TNS1: variants seen among roughly 807,000 people sequenced by gnomAD.
TNS1 encodes tensin-1.
A neutral mutation model predicts 168.6 loss-of-function variants in TNS1; 62 were observed. The observed-to-expected ratio is 0.37, with a 90% CI of 0.30 to 0.45. TNS1 has a LOEUF of 0.45. TNS1 is among the 20% of genes least tolerant of loss of function. The probability of loss-of-function intolerance (pLI) is 1.00; values close to 1 mark genes in which losing one functional copy is unlikely to be tolerated. For missense variants in TNS1, 2,240 were observed against 2,339.4 expected (o/e 0.96, Z 0.88); for synonymous variants, 934 against 933.2 (o/e 1.00, Z -0.02).
chr2:217,889,856 C>T (rs1951569394), intron 12 of TNS1, among the ~76,000 whole-genome samples: 1 of 152,246 alleles, frequency 6.6e-6, no homozygotes, highest in Non-Finnish European at 1.5e-5. Flanking sequence ...CCATCCAGGT[C>T]TCCAGTTTGG....
intron 24 of TNS1, among the ~76,000 whole-genome samples, chr2:217,817,038 G>A (rs954186335): frequency 3.3e-5 from 5 of 152,188 alleles, no homozygotes; most frequent in Non-Finnish European, 7.4e-5. Context: ...CATGAGTTTC[G>A]ATGAAGTTGG....
At chr2:217,874,490 C>T (rs1425573350) in intron 18 of TNS1, among the ~76,000 whole-genome samples, 2 of 152,198 alleles carry the variant, frequency 1.3e-5, no homozygotes, top group African/African-American at 4.8e-5. Context: ...GATAATGAAA[C>T]TGAGAACCAG....
At chr2:217,952,721 T>C (rs550868092) in intron 3 of TNS1, among the ~76,000 whole-genome samples, 2 of 152,230 alleles carry the variant, frequency 1.3e-5, no homozygotes, top group South Asian at 4.1e-4. Context: ...ACAACATGAA[T>C]GGGGCTGATG....
intron 18 of TNS1, among the ~76,000 whole-genome samples, chr2:217,857,018 A>G (rs570321778): frequency 6.6e-6 from 1 of 152,262 alleles, no homozygotes; most frequent in Admixed American, 6.5e-5. Flanking sequence ...GAGTCCAAGA[A>G]AAAAAGAGGG....
At chr2:218,011,575 C>A (rs1418761219), upstream of TNS1, among the ~76,000 whole-genome samples, 1 of 152,130 alleles carries the variant, frequency 6.6e-6, no homozygotes, top group African/African-American at 2.4e-5. Flanking sequence ...CCAGATGATG[C>A]TGCCTCCCTG....
rs569875596 is a variant in TNS1 at position 217,828,010 on chromosome 2, G to A, written c.3373+3445C>T. 4.6e-5 allele frequency among the ~76,000 whole-genome samples: 7 copies of A among 152,342 alleles called. No homozygotes were observed. In the East Asian group the frequency reaches 1.4e-3, roughly 29 times the overall value. ...CAACCAGCTGCGAGGAGAGCTGAGA[G>A]CCTATTGCGTGGTCCGGCATCTGAA... On this transcript the variant is annotated intron_variant, in intron 22 of 32. Transcript: ENST00000682258.
At chr2:217,955,750 A>G (rs1358661618) in intron 3 of TNS1, among the ~76,000 whole-genome samples, 1 of 152,208 alleles carries the variant, frequency 6.6e-6, no homozygotes, top group African/African-American at 2.4e-5. Flanking sequence ...AGGTCTTTCA[A>G]GTCCTAAGCC....
chr2:217,849,787 G>A (rs779917250), intron 18 of TNS1: 94 of 985,416 alleles, frequency 9.5e-5, no homozygotes, highest in East Asian at 2.3e-4. Context: ...CAGTCGCCCC[G>A]AGGATAGCCT....
At chr2:217,808,025 G>A (rs769144749) in intron 32 of TNS1, 50 bp downstream of exon 32, 16 of 1,609,078 alleles carry the variant, frequency 9.9e-6, no homozygotes, top group African/African-American at 1.3e-5. Context: ...TTCCCTCACT[G>A]TGAAGTACAA....
chr2:217,858,982 C>A (rs1948520099), intron 18 of TNS1, among the ~76,000 whole-genome samples: 1 of 144,270 alleles, frequency 6.9e-6, no homozygotes, highest in Non-Finnish European at 1.5e-5. Flanking sequence ...CCAGCCCCAG[C>A]CCCTGCTCAA....
intron 4 of TNS1, 130 bp downstream of exon 4, chr2:217,920,065 G>A (rs939816433): frequency 1.8e-5 from 12 of 679,944 alleles, no homozygotes; most frequent in East Asian, 8.1e-5. Context: ...CAGGGAGGTC[G>A]ACCCTCCTCC....
chr2:217,960,615 C>T (rs1282719808), intron 3 of TNS1, among the ~76,000 whole-genome samples: 8 of 152,130 alleles, frequency 5.3e-5, no homozygotes, highest in Non-Finnish European at 1.0e-4. Flanking sequence ...GCTTCTGATC[C>T]ACACCTCCAG....
Position 217,878,672 on chromosome 2 carries a change from C to T in TNS1, c.1429+2226G>A, listed in dbSNP as rs542197215. 4.6e-5 allele frequency among the ~76,000 whole-genome samples: 7 copies of T among 152,312 alleles called. No individual in the cohort carries two copies. The South Asian group carries it at 1.5e-3, about 32-fold the overall frequency. The stretch of plus-strand genomic sequence containing the variant: ...CCCCCAAGAAAACACCACATGCAGT[C>T]CTTCCTCAGGCCGTGCTGCCCACAA... On this transcript the variant is annotated intron_variant, in intron 18 of 32. Transcript: ENST00000682258.
At chr2:218,013,333 G>C (rs1172428852), upstream of TNS1, among the ~76,000 whole-genome samples, 1 of 152,008 alleles carries the variant, frequency 6.6e-6, no homozygotes, top group Non-Finnish European at 1.5e-5. Flanking sequence ...TCCCTGAGCA[G>C]AGATGCAAAG....
At position 217,800,892 on chromosome 2, in the gene TNS1, C is replaced by G. The variant is rs1177318615; in HGVS notation, c.*3567G>C. ...ACAGCATGCTCCCCTGGAGCCCCTG[C>G]ACAGGCTCATCAGAACAAGGCAGAA... On this transcript the variant is annotated 3_prime_UTR_variant, in exon 33 of 33. Transcript: ENST00000682258. 1 of 152,262 alleles carries G rather than the reference C, an allele frequency of 6.6e-6. No homozygotes were observed. Among genetic ancestry groups the G allele is most frequent in the African/African-American group, 2.4e-5 (1 of 41,426 alleles). 9.4% of individuals were successfully genotyped at this position (152,262 alleles called of 1,614,324 possible).
rs199952375 is a variant in TNS1, at chr2:217,836,193, T to C, written c.3026A>G (p.Lys1009Arg). The C allele has an allele frequency of 1.1e-5, 18 of 1,611,830 alleles. No individual in the cohort carries two copies. The East Asian group carries it at 3.6e-4, about 32-fold the overall frequency. ...HRVAGVQARE[K>R]QPAEPPAPLR... is the part of the protein sequence containing the mutation. ...AGGGGCTGGGGGCTCTGCAGGCTGCTTCTCCCGAGCCTGTACCCCTGGGAG... is the reference window on the plus strand; with the variant it reads ...AGGGGCTGGGGGCTCTGCAGGCTGCCTCTCCCGAGCCTGTACCCCTGGGAG... Residue 1009 changes from lysine to arginine, a missense_variant, in exon 20 of 33, where the codon AAG becomes AGG. This residue lies in a region of TNS1 where 2,131 missense variants were observed against 2,171.2 expected (regional missense o/e 0.98). Coordinates refer to ENST00000682258, the MANE Select transcript of TNS1 (RefSeq NM_001387777.1).
chr2:217,942,457 C>T (rs1257348956), intron 3 of TNS1, among the ~76,000 whole-genome samples: 2 of 152,346 alleles, frequency 1.3e-5, no homozygotes, highest in Non-Finnish European at 2.9e-5. Flanking sequence ...CCTTCCACAA[C>T]CCTGGGCCAG....
At chr2:217,816,350 G>A (rs1328971036) in intron 24 of TNS1, among the ~76,000 whole-genome samples, 2 of 152,166 alleles carry the variant, frequency 1.3e-5, no homozygotes, top group African/African-American at 4.8e-5. Context: ...GAAAGACACT[G>A]CAAAGTTAAG....
intron 2 of TNS1, among the ~76,000 whole-genome samples, chr2:217,979,866 C>A (rs1034596589): frequency 6.6e-6 from 1 of 152,060 alleles, no homozygotes; most frequent in Non-Finnish European, 1.5e-5. Flanking sequence ...AGCCCAGGAC[C>A]ACAGCCATCC....
Sources: gnomAD v4.1 joint callset for allele counts (sites outside exome capture counted in the v4.1 genomes callset) on GRCh38, gnomAD v4.1.1 for gene constraint, gnomAD v4.1.1 regional missense constraint, MANE v1.5 for transcripts, NCBI Gene and HGNC (gene_info 2026-07-23, HGNC 2026-07-21) for gene names.